The following MTUS2 variants were observed in gnomAD, a reference collection of about 807,000 sequenced individuals.
MTUS2 encodes the protein microtubule associated scaffold protein 2.
MTUS2 carries 40 observed loss-of-function variants against 114.1 expected under a neutral mutation model. That is an observed-to-expected ratio of 0.35 (90% CI 0.27 to 0.46). MTUS2 has a LOEUF of 0.46. Ranked by LOEUF, MTUS2 falls within the 20% of genes least tolerant of loss-of-function variation. The pLI, the probability that MTUS2 is intolerant of heterozygous loss-of-function variation, is 1.00. For missense variants in MTUS2, 1,679 were observed against 1,705.4 expected (o/e 0.98, Z 0.27); for synonymous variants, 688 against 672.0 (o/e 1.02, Z -0.37).
intron 10 of MTUS2, among the ~76,000 whole-genome samples, chr13:29,486,745 G>A (rs946136119): frequency 3.3e-5 from 5 of 152,176 alleles, no homozygotes; most frequent in Non-Finnish European, 4.4e-5. Context: ...TTTTGTTTTT[G>A]TGAAACTTTG....
At chr13:29,324,771 T>C in intron 7 of MTUS2, 60 bp downstream of exon 7, 2 of 1,315,924 alleles carry the variant, frequency 1.5e-6, no homozygotes, top group East Asian at 5.0e-5. Context: ...ATTTATCTTA[T>C]TCAGATGTCA....
At chr13:29,062,106 T>C (rs1888448117) in intron 4 of MTUS2, among the ~76,000 whole-genome samples, 1 of 152,174 alleles carries the variant, frequency 6.6e-6, no homozygotes, top group South Asian at 2.1e-4. Context: ...TGCCTCAGCC[T>C]CCCATGTAGC....
intron 6 of MTUS2, among the ~76,000 whole-genome samples, chr13:29,305,940 T>C (rs1283105625): frequency 6.6e-6 from 1 of 152,170 alleles, no homozygotes; most frequent in Non-Finnish European, 1.5e-5. Flanking sequence ...TTATCCACCA[T>C]GATCAAGTTG....
chr13:28,829,642 C>T (rs1193686722), intron 1 of MTUS2, among the ~76,000 whole-genome samples: 1 of 152,194 alleles, frequency 6.6e-6, no homozygotes, highest in Non-Finnish European at 1.5e-5. Flanking sequence ...TATGATTGCT[C>T]TAGAAGCTTC....
chr13:28,840,664 A>G (rs1008232669), intron 2 of MTUS2, among the ~76,000 whole-genome samples: 1 of 152,218 alleles, frequency 6.6e-6, no homozygotes, highest in Non-Finnish European at 1.5e-5. Flanking sequence ...GTGCTCTTCC[A>G]CAGTGCACAA....
rs1300134692 is a variant in MTUS2 at position 28,984,374 on chromosome 13, C to T, written c.-242-40083C>T. ...CTTCTGGGGGAAATTTTGGTTTCTT[C>T]CTAGTATCCATAAAAGGGGTCTTTA... On this transcript the variant is annotated intron_variant, in intron 2 of 15. Transcript: ENST00000612955. Among the ~76,000 whole-genome samples the T allele has an allele frequency of 2.0e-5, 3 of 152,194 alleles. No individual in the cohort carries two copies. The East Asian group carries it at 5.8e-4, about 29-fold the overall frequency.
At chr13:29,158,803 C>T (rs899893714) in intron 5 of MTUS2, among the ~76,000 whole-genome samples, 1 of 152,198 alleles carries the variant, frequency 6.6e-6, no homozygotes, top group Admixed American at 6.5e-5. Context: ...TTAAGATGCT[C>T]AGGGAACCCA....
At chr13:29,178,211 A>G in intron 5 of MTUS2, among the ~76,000 whole-genome samples, 1 of 152,170 alleles carries the variant, frequency 6.6e-6, no homozygotes, top group Non-Finnish European at 1.5e-5. Context: ...ATAAAATTTA[A>G]AGTTTAAAAT....
intron 5 of MTUS2, among the ~76,000 whole-genome samples, chr13:29,158,942 G>A (rs944556653): frequency 1.7e-4 from 26 of 152,168 alleles, no homozygotes; most frequent in African/African-American, 6.0e-4. Context: ...CCAGGAACGG[G>A]AGGGCTCAAC....
At chr13:28,863,069 G>C (rs1255040502) in intron 2 of MTUS2, among the ~76,000 whole-genome samples, 1 of 152,220 alleles carries the variant, frequency 6.6e-6, no homozygotes, top group East Asian at 1.9e-4. Context: ...CTCACATGCT[G>C]TCTCATCTTT....
intron 2 of MTUS2, among the ~76,000 whole-genome samples, chr13:28,933,008 GT>G (rs1881697108): frequency 6.6e-6 from 1 of 152,126 alleles, no homozygotes; most frequent in Non-Finnish European, 1.5e-5. Context: ...AGGAAAAAAG[GT>G]AAGGTTCTCA....
At chr13:29,184,484 A>T (rs945326944) in intron 5 of MTUS2, among the ~76,000 whole-genome samples, 2 of 152,174 alleles carry the variant, frequency 1.3e-5, no homozygotes, top group Non-Finnish European at 2.9e-5. Flanking sequence ...CCAAGCTCTC[A>T]CTTCTATCCA....
intron 9 of MTUS2, among the ~76,000 whole-genome samples, chr13:29,467,088 T>A (rs1879945471): frequency 6.6e-6 from 1 of 152,112 alleles, no homozygotes; most frequent in African/African-American, 2.4e-5. Flanking sequence ...GATAGAGGAA[T>A]GAAGTTAGCA....
At chr13:29,389,439 A>ATACACGTG (rs1872994520) in intron 8 of MTUS2, among the ~76,000 whole-genome samples, 1 of 79,434 alleles carries the variant, frequency 1.3e-5, no homozygotes, top group African/African-American at 5.6e-5. Flanking sequence ...ACGTGTGTGT[A>ATACACGTG]TGTGTATGTA....
At chr13:29,396,203 C>T (rs139549452) in intron 8 of MTUS2, among the ~76,000 whole-genome samples, 1 of 152,134 alleles carries the variant, frequency 6.6e-6, no homozygotes, top group African/African-American at 2.4e-5. Flanking sequence ...ATCTTCTAAT[C>T]CAAAAAGAAG....
chr13:29,223,530 G>T (rs908755162), intron 5 of MTUS2, among the ~76,000 whole-genome samples: 76 of 152,324 alleles, frequency 5.0e-4, no homozygotes, highest in African/African-American at 1.8e-3. Context: ...CAACCTGTCT[G>T]CAGAGAGTAG....
chr13:29,238,962 A>G (rs1896635309), intron 5 of MTUS2, among the ~76,000 whole-genome samples: 1 of 152,138 alleles, frequency 6.6e-6, no homozygotes, highest in East Asian at 1.9e-4. Context: ...GGGTGGGGTA[A>G]ATGGGGAGAT....
At chr13:29,103,298 T>C (rs767930844) in intron 5 of MTUS2, among the ~76,000 whole-genome samples, 1 of 152,160 alleles carries the variant, frequency 6.6e-6, no homozygotes, top group Non-Finnish European at 1.5e-5. Flanking sequence ...TGCACAAACC[T>C]AGATGACATA....
chr13:29,022,269 AAC>A (rs1334994567), intron 2 of MTUS2, among the ~76,000 whole-genome samples: 1 of 152,214 alleles, frequency 6.6e-6, no homozygotes, highest in Non-Finnish European at 1.5e-5. Context: ...CTAAGTTGGA[AAC>A]ACAGAGGGCT....
Sources: gnomAD v4.1 joint callset for allele counts (sites outside exome capture counted in the v4.1 genomes callset) on GRCh38, gnomAD v4.1.1 for gene constraint, MANE v1.5 for transcripts, NCBI Gene and HGNC (gene_info 2026-07-23, HGNC 2026-07-21) for gene names.